NBEA: variants seen among roughly 807,000 people sequenced by gnomAD.
NBEA encodes the protein neurobeachin, also known as lysosomal-trafficking regulator 2.
NBEA carries 44 observed loss-of-function variants against 343.4 expected under a neutral mutation model. The ratio of observed to expected loss-of-function variants is 0.13; its 90% CI spans 0.10 to 0.16. The LOEUF is 0.16. Ranked by LOEUF, NBEA falls within the 10% of genes least tolerant of loss-of-function variation. NBEA has a pLI of 1.00. For missense variants in NBEA, 2,555 were observed against 3,631.3 expected (o/e 0.70, Z 7.62); for synonymous variants, 1,175 against 1,238.7 (o/e 0.95, Z 1.08).
intron 40 of NBEA, among the ~76,000 whole-genome samples, chr13:35,452,470 T>G (rs1045745962): frequency 6.6e-6 from 1 of 152,206 alleles, no homozygotes; most frequent in Non-Finnish European, 1.5e-5. Flanking sequence ...GAAGAGCAAT[T>G]TTTTATATAG....
chr13:35,369,097 T>C (rs1423748560), intron 38 of NBEA, among the ~76,000 whole-genome samples: 1 of 151,178 alleles, frequency 6.6e-6, no homozygotes, highest in Non-Finnish European at 1.5e-5. Context: ...TTTTTTTATA[T>C]AGTGAGAGAT....
chr13:35,147,434 C>T (rs2068504486), intron 18 of NBEA, among the ~76,000 whole-genome samples: 1 of 152,172 alleles, frequency 6.6e-6, no homozygotes, highest in Non-Finnish European at 1.5e-5. Context: ...TGGCTACCTC[C>T]CTAAGTGGAC....
chr13:35,017,473 A>C (rs1461353224), intron 1 of NBEA, among the ~76,000 whole-genome samples: 1 of 152,132 alleles, frequency 6.6e-6, no homozygotes. Flanking sequence ...CCTCTTCCAT[A>C]CTTGGTGTTG....
intron 10 of NBEA, among the ~76,000 whole-genome samples, chr13:35,094,623 T>C (rs1438288643): frequency 6.6e-6 from 1 of 152,004 alleles, no homozygotes; most frequent in Non-Finnish European, 1.5e-5. Context: ...TTGTCTTGGG[T>C]GTGGACTTGA....
At chr13:35,059,761 CAG>C (rs59580233) in intron 8 of NBEA, among the ~76,000 whole-genome samples, 3,888 of 110,776 alleles carry the variant, frequency 0.035, 66 homozygotes, top group Non-Finnish European at 0.053. Context: ...TATATATATA[CAG>C]AGAGAGAGAG....
At chr13:35,312,356 T>C (rs1333124694) in intron 36 of NBEA, among the ~76,000 whole-genome samples, 1 of 151,900 alleles carries the variant, frequency 6.6e-6, no homozygotes, top group Non-Finnish European at 1.5e-5. Flanking sequence ...GAAAAAAAAG[T>C]AGAAATACAA....
intron 45 of NBEA, among the ~76,000 whole-genome samples, chr13:35,577,876 T>G (rs1227890634): frequency 6.6e-6 from 1 of 152,132 alleles, no homozygotes. Flanking sequence ...AATAATGAGT[T>G]GAAGTTCCTT....
intron 1 of NBEA, among the ~76,000 whole-genome samples, chr13:35,002,788 T>C (rs146368827): frequency 2.9e-4 from 44 of 152,314 alleles, no homozygotes; most frequent in Middle Eastern, 3.4e-3. Flanking sequence ...CCATGAACTC[T>C]TGGAGTGCAT....
intron 24 of NBEA, among the ~76,000 whole-genome samples, chr13:35,164,760 G>A (rs2069859354): frequency 6.6e-6 from 1 of 151,992 alleles, no homozygotes; most frequent in Non-Finnish European, 1.5e-5. Context: ...CTTCATCAAA[G>A]ATATTGTATA....
intron 41 of NBEA, among the ~76,000 whole-genome samples, chr13:35,526,148 G>GAA (rs1462373270): frequency 6.6e-6 from 1 of 152,032 alleles, no homozygotes; most frequent in Non-Finnish European, 1.5e-5. Flanking sequence ...GCTTAAAGTT[G>GAA]AATATTTGAA....
chr13:35,619,372 C>T (rs1215575840), intron 48 of NBEA, among the ~76,000 whole-genome samples: 12 of 151,988 alleles, frequency 7.9e-5, no homozygotes, highest in Admixed American at 3.9e-4. Context: ...ACTTACCTAT[C>T]GGGGAAAGTC....
At chr13:35,074,575 C>T (rs2064028852) in intron 10 of NBEA, among the ~76,000 whole-genome samples, 1 of 151,910 alleles carries the variant, frequency 6.6e-6, no homozygotes, top group African/African-American at 2.4e-5. Context: ...GGCTCAAATC[C>T]CTGTCCTGTT....
chr13:34,983,735 C>T (rs1005779704), intron 1 of NBEA, among the ~76,000 whole-genome samples: 1 of 152,126 alleles, frequency 6.6e-6, no homozygotes, highest in African/African-American at 2.4e-5. Flanking sequence ...GAGATGGTAT[C>T]TCATTGTGGT....
intron 48 of NBEA, among the ~76,000 whole-genome samples, chr13:35,622,410 CAG>C (rs2083033330): frequency 6.6e-6 from 1 of 152,086 alleles, no homozygotes; most frequent in Non-Finnish European, 1.5e-5. Context: ...AGCAGGACAC[CAG>C]ACAGACTGGA....
chr13:35,085,825 T>C (rs2152616533), intron 10 of NBEA, among the ~76,000 whole-genome samples: 1 of 152,252 alleles, frequency 6.6e-6, no homozygotes, highest in Middle Eastern at 3.4e-3. Flanking sequence ...ATTGTATATC[T>C]AGAAAACCCC....
rs369831839 is a variant in NBEA at position 35,310,409 on chromosome 13, T to C, written c.5903+817T>C. Among the ~76,000 whole-genome samples the C allele has an allele frequency of 6.4e-3, 980 of 152,324 alleles. 9 individuals carry two copies. The highest frequency in any genetic ancestry group is 0.023 in the African/African-American group (942 of 41,580). On this transcript the variant is annotated intron_variant, in intron 36 of 58. Transcript: ENST00000379939. ...GGCAAAACTGTTGAAAGGGCAATAG[T>C]TGAAGCTGTTGGGTTTTATATAGTG...
intron 1 of NBEA, among the ~76,000 whole-genome samples, chr13:34,986,098 G>T (rs1294923840): frequency 6.6e-6 from 1 of 150,410 alleles, no homozygotes; most frequent in Non-Finnish European, 1.5e-5. Flanking sequence ...GTTTGCTCTT[G>T]CTTCTCTAGT....
At chr13:35,258,475 T>C (rs961658095) in intron 34 of NBEA, among the ~76,000 whole-genome samples, 2 of 151,878 alleles carry the variant, frequency 1.3e-5, no homozygotes, top group Admixed American at 1.3e-4. Flanking sequence ...TATTTTCTGG[T>C]TTTTGTGTTC....
chr13:34,979,552 G>A (rs1352139171), intron 1 of NBEA, among the ~76,000 whole-genome samples: 1 of 151,790 alleles, frequency 6.6e-6, no homozygotes, highest in African/African-American at 2.4e-5. Context: ...ATTTTCCCCT[G>A]GGAAGTACCT....
Sources: gnomAD v4.1 joint callset for allele counts (sites outside exome capture counted in the v4.1 genomes callset) on GRCh38, gnomAD v4.1.1 for gene constraint, MANE v1.5 for transcripts, NCBI Gene and HGNC (gene_info 2026-07-23, HGNC 2026-07-21) for gene names.